The following CCSER1 variants were observed in gnomAD, a reference collection of about 807,000 sequenced individuals.
CCSER1 encodes serine-rich coiled-coil domain-containing protein 1.
In CCSER1, 41 loss-of-function variants were observed where a neutral mutation model predicts 82.0. The ratio of observed to expected loss-of-function variants is 0.50; its 90% CI spans 0.39 to 0.65. CCSER1 has a LOEUF of 0.65. CCSER1 is among the 30% of genes least tolerant of loss of function. CCSER1 has a pLI of 0.00. For synonymous variants in CCSER1, 414 were observed against 383.9 expected, an observed-to-expected ratio of 1.08 and a Z score of -0.92; for missense variants, 1,119 against 1,064.2, an observed-to-expected ratio of 1.05 and a Z score of -0.72.
Position 90,869,638 on chromosome 4 carries a change from G to A in CCSER1, c.2095-53732G>A, listed in dbSNP as rs535976364. Reference sequence around the variant, plus strand: ...GCGTTAAGTTGAGGTCAGGTAATGTGATTCCTCCAGTTTTGCTCTTTTTGC... The same window carrying A: ...GCGTTAAGTTGAGGTCAGGTAATGTAATTCCTCCAGTTTTGCTCTTTTTGC... On this transcript the variant is annotated intron_variant, in intron 8 of 10. Transcript: ENST00000509176. Among the ~76,000 whole-genome samples, 4 of 151,816 alleles carry A rather than the reference G, an allele frequency of 2.6e-5. No individual in the cohort carries two copies. In the East Asian group the frequency reaches 5.8e-4, roughly 22 times the overall value.
At chr4:90,406,159 G>A (rs1753688872) in intron 4 of CCSER1, among the ~76,000 whole-genome samples, 1 of 151,990 alleles carries the variant, frequency 6.6e-6, no homozygotes, top group Non-Finnish European at 1.5e-5. Context: ...AAGATAAAGG[G>A]GTGGAAAAAG....
At chr4:90,724,036 A>C (rs1180091213) in intron 7 of CCSER1, 45 bp downstream of exon 7, 4 of 1,159,288 alleles carry the variant, frequency 3.5e-6, no homozygotes, top group Non-Finnish European at 5.0e-6. Flanking sequence ...ATATTAGGAT[A>C]GTTAATAAAT....
chr4:91,083,737 T>C (rs1365184562), intron 9 of CCSER1, among the ~76,000 whole-genome samples: 1 of 152,038 alleles, frequency 6.6e-6, no homozygotes, highest in Non-Finnish European at 1.5e-5. Context: ...TGAATGGGAT[T>C]AAAAGCAGAT....
chr4:90,694,348 C>A (rs1312830862), intron 6 of CCSER1, among the ~76,000 whole-genome samples: 2 of 152,002 alleles, frequency 1.3e-5, no homozygotes, highest in African/African-American at 4.8e-5. Context: ...CAACTTATTT[C>A]TTCTTGTGCT....
Position 90,495,169 on chromosome 4 carries a change from C to T in CCSER1, c.1724+26815C>T, listed in dbSNP as rs560721539. 1.9e-4 allele frequency among the ~76,000 whole-genome samples: 29 copies of T among 152,100 alleles called. No homozygotes were observed. The South Asian group carries it at 5.8e-3, about 30-fold the overall frequency. On this transcript the variant is annotated intron_variant, in intron 5 of 10. Coordinates refer to ENST00000509176, the MANE Select transcript of CCSER1 (RefSeq NM_001145065.2). Reference sequence around the variant, plus strand: ...TATGAACACTAATGTGGTGTTCAACCCTCCCTTTCAATTTTAGAGAATTGG... The same window carrying T: ...TATGAACACTAATGTGGTGTTCAACTCTCCCTTTCAATTTTAGAGAATTGG...
chr4:90,558,370 C>T (rs1488168597), intron 5 of CCSER1, among the ~76,000 whole-genome samples: 1 of 152,072 alleles, frequency 6.6e-6, no homozygotes, highest in Non-Finnish European at 1.5e-5. Context: ...GTTTCAAAAT[C>T]ATTGTAAAAA....
At chr4:91,540,759 C>T (rs1761548366) in intron 10 of CCSER1, among the ~76,000 whole-genome samples, 1 of 152,062 alleles carries the variant, frequency 6.6e-6, no homozygotes, top group Admixed American at 6.6e-5. Context: ...TTTGTTTTTG[C>T]ATGTGGATGT....
At chr4:91,395,818 TA>T (rs544781629) in intron 10 of CCSER1, among the ~76,000 whole-genome samples, 114 of 152,228 alleles carry the variant, frequency 7.5e-4, no homozygotes, top group African/African-American at 2.6e-3. Context: ...AACCTGGTTT[TA>T]TGGGGCTCAA....
intron 9 of CCSER1, among the ~76,000 whole-genome samples, chr4:91,056,388 C>T (rs11728760): frequency 1.3e-5 from 2 of 152,124 alleles, no homozygotes; most frequent in African/African-American, 2.4e-5. Flanking sequence ...GAGGGCTGCT[C>T]TCTGCTTCCA....
intron 10 of CCSER1, among the ~76,000 whole-genome samples, chr4:91,136,139 T>A (rs544468371): frequency 2.0e-5 from 3 of 152,340 alleles, no homozygotes; most frequent in Non-Finnish European, 4.4e-5. Context: ...CTGATGTCCC[T>A]GAACCTTCCA....
intron 8 of CCSER1, among the ~76,000 whole-genome samples, chr4:90,863,534 C>T (rs1275182645): frequency 6.6e-6 from 1 of 151,608 alleles, no homozygotes; most frequent in East Asian, 1.9e-4. Context: ...CCTCATTTTT[C>T]TTTGCGTTTC....
chr4:91,026,646 A>C (rs1740513701), intron 9 of CCSER1, among the ~76,000 whole-genome samples: 1 of 152,106 alleles, frequency 6.6e-6, no homozygotes, highest in African/African-American at 2.4e-5. Context: ...GGTTTTCTAT[A>C]CACGGGATAG....
At chr4:91,289,119 G>T (rs950830870) in intron 10 of CCSER1, among the ~76,000 whole-genome samples, 30 of 151,910 alleles carry the variant, frequency 2.0e-4, no homozygotes, top group African/African-American at 7.2e-4. Flanking sequence ...TAAATGCAAG[G>T]TACTGTTAGA....
chr4:90,810,102 A>G (rs531175890), intron 7 of CCSER1, among the ~76,000 whole-genome samples: 1 of 152,248 alleles, frequency 6.6e-6, no homozygotes, highest in African/African-American at 2.4e-5. Flanking sequence ...TGGTAATTGT[A>G]TTGGAAAAAA....
chr4:90,650,073 C>T (rs973300512), intron 6 of CCSER1, among the ~76,000 whole-genome samples: 6 of 151,918 alleles, frequency 3.9e-5, no homozygotes, highest in Non-Finnish European at 8.8e-5. Flanking sequence ...AAAAATTAGC[C>T]GGGCATGGTG....
chr4:90,137,097 T>G (rs1321385738), intron 1 of CCSER1, among the ~76,000 whole-genome samples: 1 of 152,186 alleles, frequency 6.6e-6, no homozygotes, highest in Non-Finnish European at 1.5e-5. Flanking sequence ...TATTCATGTA[T>G]AAATGACCTA....
intron 10 of CCSER1, among the ~76,000 whole-genome samples, chr4:91,088,317 G>T (rs887821638): frequency 2.6e-5 from 4 of 152,060 alleles, no homozygotes; most frequent in African/African-American, 9.7e-5. Context: ...TTTATAAGAA[G>T]ATTTAAGAAG....
intron 10 of CCSER1, among the ~76,000 whole-genome samples, chr4:91,422,123 G>T (rs548758330): frequency 6.6e-6 from 1 of 152,016 alleles, no homozygotes; most frequent in Non-Finnish European, 1.5e-5. Flanking sequence ...TTTTAGCTTA[G>T]TAATACTCAT....
intron 5 of CCSER1, among the ~76,000 whole-genome samples, chr4:90,569,390 CA>C (rs1301913350): frequency 3.3e-5 from 5 of 152,090 alleles, no homozygotes; most frequent in Non-Finnish European, 1.5e-5. Flanking sequence ...AACCTTTGAT[CA>C]AAAACACTAG....
Sources: gnomAD v4.1 joint callset for allele counts (sites outside exome capture counted in the v4.1 genomes callset) on GRCh38, gnomAD v4.1.1 for gene constraint, MANE v1.5 for transcripts, NCBI Gene and HGNC (gene_info 2026-07-23, HGNC 2026-07-21) for gene names.